Variants in MCC observed in about 807,000 individuals in gnomAD.
MCC encodes the protein colorectal mutant cancer protein.
MCC carries 90 observed loss-of-function variants against 116.2 expected under a neutral mutation model. That is an observed-to-expected ratio of 0.77 (90% CI 0.65 to 0.92). The LOEUF (loss-of-function observed/expected upper bound fraction) is 0.92. Ranked by LOEUF, MCC falls within the 40% of genes least tolerant of loss-of-function variation. The probability of loss-of-function intolerance (pLI) is 0.00; values close to 1 mark genes in which losing one functional copy is unlikely to be tolerated. For missense variants in MCC, 1,516 were observed against 1,312.2 expected, an observed-to-expected ratio of 1.16 and a Z score of -2.40; for synonymous variants, 578 against 510.5, an observed-to-expected ratio of 1.13 and a Z score of -1.78.
Position 113,385,122 on chromosome 5 carries a change from C to T in MCC, c.261G>A (p.Lys87=). 6.2e-7 allele frequency: 1 copy of T among 1,614,192 alleles called. No individual in the cohort carries two copies. Among genetic ancestry groups the T allele is most frequent in the Non-Finnish European group, 8.5e-7 (1 of 1,180,044 alleles). Residue 87 remains lysine, a synonymous_variant, in exon 2 of 19, where the codon AAG becomes AAA. Transcript: ENST00000408903. Reference sequence around the variant, plus strand: ...ATCTTGTGAAATCCTGAAAGGAAATCTTCCCATTTTCATCTGCTCCCAACT... The same window carrying T: ...ATCTTGTGAAATCCTGAAAGGAAATTTTCCCATTTTCATCTGCTCCCAACT... ...MNQLGADENG[K]ISFQDFTRCR...
At chr5:113,432,404 C>G (rs1013895046) in intron 1 of MCC, 3 of 150,536 alleles carry the variant, frequency 2.0e-5, no homozygotes, top group African/African-American at 7.3e-5. Context: ...TGGGCTTTAA[C>G]CTTGGCTCTG....
chr5:113,132,441 TATACACAC>T (rs538901803), intron 5 of MCC, among the ~76,000 whole-genome samples: 29,114 of 96,824 alleles, frequency 0.3, 4,024 homozygotes, highest in South Asian at 0.42. Context: ...TATATATATA[TATACACAC>T]ACACACACAC....
chr5:113,239,619 TG>T (rs2150338390), intron 3 of MCC, among the ~76,000 whole-genome samples: 1 of 152,284 alleles, frequency 6.6e-6, no homozygotes, highest in East Asian at 1.9e-4. Context: ...AATGTCCAGA[TG>T]GGGAAGAGGA....
chr5:113,419,213 G>C (rs182536215), intron 1 of MCC, among the ~76,000 whole-genome samples: 1 of 150,966 alleles, frequency 6.6e-6, no homozygotes, highest in Non-Finnish European at 1.5e-5. Context: ...ACTCAGGCTG[G>C]AGTGTGGAGT....
intron 5 of MCC, 73 bp from the exon 6 acceptor site, chr5:113,122,899 G>T: frequency 6.7e-7 from 1 of 1,483,790 alleles, no homozygotes; most frequent in African/African-American, 1.4e-5. Flanking sequence ...TGTCTTTTAA[G>T]GACAAGAAAA....
chr5:113,431,247 G>A lies in MCC; in HGVS notation c.171-46035C>T, dbSNP rs186750176. Among the ~76,000 whole-genome samples, 199 of 152,270 alleles carry A rather than the reference G, an allele frequency of 1.3e-3. 6 individuals carry two copies. The East Asian group carries it at 0.02, about 15-fold the overall frequency. On this transcript the variant is annotated intron_variant, in intron 1 of 18. Coordinates refer to ENST00000408903, the MANE Select transcript of MCC (RefSeq NM_001085377.2). ...ACCAGATTAGTTGCATATGGTAGGTGTATTAGTTTGCTAGGGCTGCTATGA... is the reference window on the plus strand; with the variant it reads ...ACCAGATTAGTTGCATATGGTAGGTATATTAGTTTGCTAGGGCTGCTATGA...
chr5:113,340,855 G>A (rs994233644), intron 2 of MCC, 125 bp from the exon 3 acceptor site: 17 of 715,094 alleles, frequency 2.4e-5, no homozygotes, highest in African/African-American at 2.3e-4. Context: ...CACATGTGAT[G>A]CCCAGGCTGC....
At chr5:113,378,880 A>C (rs1017420907) in intron 2 of MCC, among the ~76,000 whole-genome samples, 11 of 152,200 alleles carry the variant, frequency 7.2e-5, no homozygotes, top group African/African-American at 2.7e-4. Context: ...CTAATGCTAG[A>C]ATTTCTTTTT....
At chr5:113,201,399 A>C (rs1404180107) in intron 3 of MCC, among the ~76,000 whole-genome samples, 10 of 151,536 alleles carry the variant, frequency 6.6e-5, no homozygotes, top group African/African-American at 2.4e-4. Flanking sequence ...AAAAAAAAAA[A>C]AAAAAACAAA....
chr5:113,222,302 T>C (rs1161066948), intron 3 of MCC, among the ~76,000 whole-genome samples: 1 of 152,230 alleles, frequency 6.6e-6, no homozygotes, highest in Non-Finnish European at 1.5e-5. Flanking sequence ...TTTTAATATA[T>C]TATTGGGTTT....
chr5:113,478,067 A>G (rs950107530), intron 1 of MCC, among the ~76,000 whole-genome samples: 6 of 152,228 alleles, frequency 3.9e-5, no homozygotes, highest in African/African-American at 1.4e-4. Flanking sequence ...TACGAATACA[A>G]TATGAAAAAT....
intron 3 of MCC, among the ~76,000 whole-genome samples, chr5:113,198,460 T>C (rs1762523701): frequency 6.6e-6 from 1 of 151,166 alleles, no homozygotes; most frequent in Non-Finnish European, 1.5e-5. Flanking sequence ...TTTGGGAGGT[T>C]GAGGCAGGAG....
chr5:113,188,382 T>C (rs752808219), intron 3 of MCC, among the ~76,000 whole-genome samples: 7 of 151,878 alleles, frequency 4.6e-5, no homozygotes, highest in Non-Finnish European at 8.8e-5. Flanking sequence ...AAACACAGAG[T>C]CACATGTTCT....
At chr5:113,122,606 G>T (rs1376635701) in intron 6 of MCC, 78 bp downstream of exon 6, 1 of 1,534,346 alleles carries the variant, frequency 6.5e-7, no homozygotes, top group Admixed American at 1.8e-5. Context: ...TTTAATTCAG[G>T]CTGCCTCACA....
intron 1 of MCC, among the ~76,000 whole-genome samples, chr5:113,440,621 G>A (rs1771008946): frequency 6.6e-6 from 1 of 152,056 alleles, no homozygotes; most frequent in Non-Finnish European, 1.5e-5. Flanking sequence ...AAGGAGGAGA[G>A]AGAAGAGGGA....
intron 17 of MCC, among the ~76,000 whole-genome samples, chr5:113,042,819 T>C (rs1751810713): frequency 6.6e-6 from 1 of 151,526 alleles, no homozygotes; most frequent in South Asian, 2.1e-4. Context: ...ATATTGACTA[T>C]ATGTTAAAAT....
intron 3 of MCC, among the ~76,000 whole-genome samples, chr5:113,265,131 G>T (rs907761726): frequency 6.6e-6 from 1 of 152,154 alleles, no homozygotes; most frequent in Non-Finnish European, 1.5e-5. Flanking sequence ...GAGTAGTAAT[G>T]TCAGAGACCA....
intron 2 of MCC, among the ~76,000 whole-genome samples, chr5:113,350,340 A>T (rs1003911552): frequency 2.6e-5 from 4 of 152,268 alleles, no homozygotes; most frequent in Non-Finnish European, 5.9e-5. Flanking sequence ...TGACATAAAA[A>T]TAGACATATA....
At chr5:113,305,669 C>T (rs1410853003) in intron 3 of MCC, among the ~76,000 whole-genome samples, 1 of 152,180 alleles carries the variant, frequency 6.6e-6, no homozygotes, top group African/African-American at 2.4e-5. Context: ...AATGATATGA[C>T]TCCAAAGCAT....
Sources: gnomAD v4.1 joint callset for allele counts (sites outside exome capture counted in the v4.1 genomes callset) on GRCh38, gnomAD v4.1.1 for gene constraint, MANE v1.5 for transcripts, NCBI Gene and HGNC (gene_info 2026-07-23, HGNC 2026-07-21) for gene names.